The following MYO16 variants were observed in gnomAD, a reference collection of about 807,000 sequenced individuals.
MYO16 encodes the protein myosin XVI.
In MYO16, 94 loss-of-function variants were observed where a neutral mutation model predicts 205.3. The observed-to-expected ratio is 0.46, with a 90% confidence interval of 0.39 to 0.54. The LOEUF is 0.54. Ranked by LOEUF, MYO16 falls within the 20% of genes least tolerant of loss-of-function variation. The probability of loss-of-function intolerance (pLI) is 0.00; values close to 1 mark genes in which losing one functional copy is unlikely to be tolerated. For missense variants in MYO16, 2,315 were observed against 2,387.5 expected (o/e 0.97, Z 0.63); for synonymous variants, 988 against 954.0 (o/e 1.04, Z -0.66).
intron 22 of MYO16, among the ~76,000 whole-genome samples, chr13:109,017,554 T>C (rs1481153743): frequency 2.0e-5 from 3 of 152,170 alleles, no homozygotes; most frequent in Non-Finnish European, 4.4e-5. Flanking sequence ...TCCTGAAGAG[T>C]GTTTTCCAAC....
At chr13:109,092,261 T>C (rs1284185582) in intron 27 of MYO16, among the ~76,000 whole-genome samples, 1 of 152,064 alleles carries the variant, frequency 6.6e-6, no homozygotes, top group Non-Finnish European at 1.5e-5. Context: ...TCTAAGAAAA[T>C]GATTCTCCTA....
chr13:108,782,590 T>TGG (rs1346649797), intron 4 of MYO16, among the ~76,000 whole-genome samples: 1 of 152,070 alleles, frequency 6.6e-6, no homozygotes, highest in East Asian at 1.9e-4. Flanking sequence ...CCCAAGACAA[T>TGG]GGGGAAAATT....
chr13:109,192,715 G>C (rs1879976087), intron 34 of MYO16, among the ~76,000 whole-genome samples: 1 of 152,008 alleles, frequency 6.6e-6, no homozygotes, highest in South Asian at 2.1e-4. Flanking sequence ...AATCCTCCAA[G>C]ACTCAGAATC....
intron 23 of MYO16, among the ~76,000 whole-genome samples, chr13:109,020,960 T>C (rs1358020117): frequency 6.6e-6 from 1 of 152,196 alleles, no homozygotes; most frequent in African/African-American, 2.4e-5. Context: ...ATGAATAATG[T>C]ATTACATTGA....
At chr13:108,782,630 C>A (rs944382258) in intron 4 of MYO16, among the ~76,000 whole-genome samples, 4 of 152,146 alleles carry the variant, frequency 2.6e-5, no homozygotes, top group African/African-American at 9.6e-5. Context: ...ACCTTCATGG[C>A]AGTCCCTCCC....
At chr13:108,702,775 C>T (rs1883360779) in intron 2 of MYO16, among the ~76,000 whole-genome samples, 1 of 151,892 alleles carries the variant, frequency 6.6e-6, no homozygotes, top group African/African-American at 2.4e-5. Flanking sequence ...CATAATGACC[C>T]AAAGTTAGAA....
the MYO16 span, among the ~76,000 whole-genome samples, chr13:108,554,011 C>T: frequency 6.6e-6 from 1 of 152,202 alleles, no homozygotes; most frequent in Non-Finnish European, 1.5e-5. Context: ...TGGTCCAAAG[C>T]CATGCGCTGC....
intron 23 of MYO16, among the ~76,000 whole-genome samples, chr13:109,022,916 TTATA>T (rs912558706): frequency 7.4e-6 from 1 of 135,260 alleles, no homozygotes; most frequent in Non-Finnish European, 1.5e-5. Flanking sequence ...ATGTATACAT[TTATA>T]TATTATATAC....
intron 15 of MYO16, among the ~76,000 whole-genome samples, chr13:108,905,912 G>A (rs1267578959): frequency 1.3e-5 from 2 of 152,114 alleles, no homozygotes; most frequent in Non-Finnish European, 1.5e-5. Flanking sequence ...AGCTCAAAAG[G>A]CAGATATTTG....
chr13:108,501,014 C>G, the MYO16 span, among the ~76,000 whole-genome samples: 73 of 152,280 alleles, frequency 4.8e-4, no homozygotes, highest in African/African-American at 1.7e-3. Flanking sequence ...TATTCATCCC[C>G]CTGTACACTG....
intron 3 of MYO16, among the ~76,000 whole-genome samples, chr13:108,717,450 G>A (rs906140587): frequency 7.9e-5 from 12 of 151,956 alleles, no homozygotes; most frequent in South Asian, 4.2e-4. Flanking sequence ...CTAACATGAC[G>A]AAACCCTGTC....
chr13:108,764,303 G>A (rs1885709613), intron 4 of MYO16, among the ~76,000 whole-genome samples: 2 of 152,164 alleles, frequency 1.3e-5, no homozygotes, highest in South Asian at 4.1e-4. Context: ...ACACATTCGG[G>A]ACATCAATGC....
the MYO16 span, among the ~76,000 whole-genome samples, chr13:108,525,217 T>C: frequency 6.6e-6 from 1 of 152,138 alleles, no homozygotes; most frequent in Non-Finnish European, 1.5e-5. Flanking sequence ...AAAATACATT[T>C]TATAGTAGTG....
At chr13:108,962,286 C>T in intron 18 of MYO16, 138 bp from the exon 19 acceptor site, 1 of 625,402 alleles carries the variant, frequency 1.6e-6, no homozygotes, top group Non-Finnish European at 2.7e-6. Flanking sequence ...TTGACAATTA[C>T]AGTGGTAATG....
chr13:108,746,555 G>A (rs866040939), intron 4 of MYO16, among the ~76,000 whole-genome samples: 10 of 151,656 alleles, frequency 6.6e-5, no homozygotes, highest in South Asian at 6.2e-4. Context: ...AAGAAAAGGC[G>A]ACATTTATTA....
At chr13:108,924,558 A>G (rs1487143518) in intron 16 of MYO16, among the ~76,000 whole-genome samples, 2 of 152,202 alleles carry the variant, frequency 1.3e-5, no homozygotes, top group Non-Finnish European at 2.9e-5. Context: ...CTGAGTACGA[A>G]TGGAATCGCT....
Position 109,206,766 on chromosome 13 carries a change from G to A in MYO16, c.5573G>A (p.Ser1858Asn). The A allele has an allele frequency of 6.2e-7, 1 of 1,614,156 alleles. No homozygotes were observed. Among genetic ancestry groups the A allele is most frequent in the South Asian group, 1.1e-5 (1 of 91,082 alleles). Residue 1858 changes from serine to asparagine, a missense_variant, in exon 35 of 35, where the codon AGC (serine) becomes AAC (asparagine). Physicochemically the swap from Ser to Asn is conservative, Grantham distance 46. This residue lies in a region of MYO16 where 1,097 missense variants were observed against 1,092.0 expected (regional missense o/e 1.00). Transcript: ENST00000457511. ...VPPPPPCKKPSLLKKPEGASC... is the reference protein window; with the variant it reads ...VPPPPPCKKPNLLKKPEGASC... The stretch of plus-strand genomic sequence containing the variant: ...CCCCCACCACCTTGCAAGAAGCCCA[G>A]CCTTCTGAAGAAGCCGGAAGGGGCC...
rs1375918994 is a variant in MYO16 at position 109,048,151 on chromosome 13, ATATGTGTG to A, written c.2872+1162_2872+1169del. ...TACTTTTGTATTTCATGTTAATAGGATATGTGTGTGTGTGTGTGTGTGTGTGTGTGTGT... is the reference window on the plus strand; with the variant it reads ...TACTTTTGTATTTCATGTTAATAGGATGTGTGTGTGTGTGTGTGTGTGTGT... On this transcript the variant is annotated intron_variant, in intron 24 of 34. Transcript: ENST00000457511. 1.1e-4 allele frequency among the ~76,000 whole-genome samples: 12 copies of A among 105,260 alleles called. No homozygotes were observed. In the East Asian group the frequency reaches 1.5e-3, roughly 13 times the overall value. 69.1% of individuals were successfully genotyped at this position (105,260 alleles called of 152,430 possible).
chr13:109,105,187 C>T (rs1348514493), intron 28 of MYO16, among the ~76,000 whole-genome samples: 1 of 152,210 alleles, frequency 6.6e-6, no homozygotes. Context: ...AGAATTTTTA[C>T]AGGCTGGGCG....
Sources: gnomAD v4.1 joint callset for allele counts (sites outside exome capture counted in the v4.1 genomes callset) on GRCh38, gnomAD v4.1.1 for gene constraint, gnomAD v4.1.1 regional missense constraint, MANE v1.5 for transcripts, NCBI Gene and HGNC (gene_info 2026-07-23, HGNC 2026-07-21) for gene names.